KLHL29: variants seen among roughly 807,000 people sequenced by gnomAD.
KLHL29 encodes the protein kelch like family member 29.
Under a neutral mutation model 80.4 loss-of-function variants are expected in KLHL29, and 21 were observed. The observed-to-expected ratio is 0.26, with a 90% CI of 0.19 to 0.38. The LOEUF (loss-of-function observed/expected upper bound fraction) is 0.38, where lower values mean the gene tolerates loss of function less well. KLHL29 is among the 10% of genes least tolerant of loss of function. The probability of loss-of-function intolerance (pLI) is 1.00; values close to 1 mark genes in which losing one functional copy is unlikely to be tolerated. For missense variants in KLHL29, 867 were observed against 1,223.9 expected (o/e 0.71, Z 4.35); for synonymous variants, 511 against 526.8 (o/e 0.97, Z 0.41).
intron 1 of KLHL29, among the ~76,000 whole-genome samples, chr2:23,431,901 C>CAAAA (rs11357606): frequency 2.5e-4 from 17 of 67,904 alleles, no homozygotes; most frequent in African/African-American, 3.1e-4. Context: ...GACTCCATCT[C>CAAAA]AAAAAAAAAA....
intron 1 of KLHL29, among the ~76,000 whole-genome samples, chr2:23,395,659 C>T (rs778072102): frequency 5.3e-5 from 8 of 151,884 alleles, no homozygotes; most frequent in Admixed American, 5.2e-4. Flanking sequence ...ACAGGAGAAT[C>T]GCTTGAACCA....
intron 1 of KLHL29, among the ~76,000 whole-genome samples, chr2:23,454,196 C>A (rs916536600): frequency 2.6e-4 from 39 of 152,142 alleles, no homozygotes; most frequent in Admixed American, 2.0e-3. Flanking sequence ...ATTGGCTCTC[C>A]TTGCCCGAGG....
chr2:23,559,797 A>G (rs1407576158), intron 2 of KLHL29, among the ~76,000 whole-genome samples: 1 of 151,870 alleles, frequency 6.6e-6, no homozygotes, highest in Non-Finnish European at 1.5e-5. Flanking sequence ...GAAAGAGGGG[A>G]TGGAGGGATG....
intron 1 of KLHL29, among the ~76,000 whole-genome samples, chr2:23,461,111 G>A (rs556889971): frequency 6.6e-6 from 1 of 152,350 alleles, no homozygotes; most frequent in Non-Finnish European, 1.5e-5. Context: ...AATCAAATCT[G>A]TGTCCAGCAC....
chr2:23,697,675 A>G (rs3795944), intron 11 of KLHL29: 82,272 of 152,102 alleles, frequency 0.54, 22,959 homozygotes, highest in East Asian at 0.79. Flanking sequence ...TCCCCCAAGT[A>G]GAGCCCAGAG....
chr2:23,424,121 C>T (rs1328491939), intron 1 of KLHL29, among the ~76,000 whole-genome samples: 2 of 152,198 alleles, frequency 1.3e-5, no homozygotes, highest in Admixed American at 6.5e-5. Flanking sequence ...CTCTGAGGAA[C>T]GGTGGGTAGA....
chr2:23,504,302 C>G (rs1665532445), intron 2 of KLHL29, among the ~76,000 whole-genome samples: 1 of 152,188 alleles, frequency 6.6e-6, no homozygotes, highest in Non-Finnish European at 1.5e-5. Flanking sequence ...AAAGTTCAAG[C>G]AGAGGGTGAG....
chr2:23,606,155 T>G (rs1668717419), intron 3 of KLHL29, among the ~76,000 whole-genome samples: 1 of 142,386 alleles, frequency 7.0e-6, no homozygotes, highest in Non-Finnish European at 1.5e-5. Context: ...TGTGTGTGTG[T>G]ATGTGTGTGT....
intron 1 of KLHL29, among the ~76,000 whole-genome samples, chr2:23,440,469 T>G (rs1434981868): frequency 6.6e-6 from 1 of 152,108 alleles, no homozygotes; most frequent in East Asian, 1.9e-4. Flanking sequence ...AAAGCCATAA[T>G]TGACAAATGG....
intron 1 of KLHL29, among the ~76,000 whole-genome samples, chr2:23,459,515 A>G (rs187686033): frequency 6.6e-6 from 1 of 152,306 alleles, no homozygotes; most frequent in African/African-American, 2.4e-5. Flanking sequence ...GGCAGGGGTG[A>G]TTCGGCAAAA....
chr2:23,473,599 C>G (rs945988283), intron 1 of KLHL29, among the ~76,000 whole-genome samples: 1 of 152,116 alleles, frequency 6.6e-6, no homozygotes, highest in Admixed American at 6.5e-5. Context: ...TTCCTTCCCA[C>G]CACTGTCCCT....
In KLHL29 at chr2:23,649,471, G is replaced by A. The variant is rs570090694; in HGVS notation, c.940+6621G>A. On this transcript the variant is annotated intron_variant, in intron 5 of 13. Coordinates refer to ENST00000486442, the MANE Select transcript of KLHL29 (RefSeq NM_052920.2). ...AGATCATTTGACTATGAGTGAACCA[G>A]GCAAGCGGAAAGATGCCGCAGAGGC... 3.7e-3 allele frequency among the ~76,000 whole-genome samples: 562 copies of A among 152,294 alleles called. 3 individuals are homozygous for A. The highest frequency in any genetic ancestry group is 6.6e-3 in the Non-Finnish European group (450 of 68,020).
intron 2 of KLHL29, among the ~76,000 whole-genome samples, chr2:23,487,925 G>A (rs762345468): frequency 7.2e-5 from 11 of 152,212 alleles, no homozygotes; most frequent in Non-Finnish European, 1.6e-4. Context: ...AAGCCACAGT[G>A]GCTCGGTGCA....
At chr2:23,619,314 G>A (rs1442339545) in intron 3 of KLHL29, among the ~76,000 whole-genome samples, 1 of 152,244 alleles carries the variant, frequency 6.6e-6, no homozygotes, top group African/African-American at 2.4e-5. Context: ...CTCCTGCAGT[G>A]TGAAGGGTCT....
intron 1 of KLHL29, among the ~76,000 whole-genome samples, chr2:23,423,120 CG>C (rs1184056600): frequency 6.6e-6 from 1 of 152,206 alleles, no homozygotes; most frequent in Non-Finnish European, 1.5e-5. Context: ...GTGGGGTTGG[CG>C]GGCCCCGCAG....
In KLHL29 at chr2:23,561,460, G is replaced by A. The variant is rs537135889; in HGVS notation, c.-45-692G>A. Among the ~76,000 whole-genome samples the A allele has an allele frequency of 8.5e-5, 13 of 152,278 alleles. No individual in the cohort carries two copies. The South Asian group carries it at 2.7e-3, about 32-fold the overall frequency. On this transcript the variant is annotated intron_variant, in intron 2 of 13. Transcript: ENST00000486442. ...GTACTCCGGGTCTCTGATGCCGCCC[G>A]AGATCAAATCATAGGGCTGTGATTA...
chr2:23,485,263 G>T (rs567646639), intron 2 of KLHL29, among the ~76,000 whole-genome samples: 152 of 152,344 alleles, frequency 1.0e-3, no homozygotes, highest in African/African-American at 3.5e-3. Flanking sequence ...GTCTTTGGTG[G>T]CAGGGACTGT....
intron 1 of KLHL29, among the ~76,000 whole-genome samples, chr2:23,386,278 C>T (rs1488202289): frequency 1.3e-5 from 2 of 152,146 alleles, no homozygotes; most frequent in Admixed American, 1.3e-4. Context: ...CAGCGAGAAG[C>T]CAGGTTGGGG....
At chr2:23,637,292 CA>C (rs970755747) in intron 3 of KLHL29, among the ~76,000 whole-genome samples, 1 of 152,172 alleles carries the variant, frequency 6.6e-6, no homozygotes, top group African/African-American at 2.4e-5. Flanking sequence ...ATAGATCCTT[CA>C]GACAGGGCAC....
Sources: allele counts gnomAD v4.1 joint callset (sites outside exome capture counted in the v4.1 genomes callset), GRCh38; gene constraint gnomAD v4.1.1; transcripts MANE v1.5; gene names NCBI Gene and HGNC (gene_info 2026-07-23, HGNC 2026-07-21).